NAALADL2: variants seen among roughly 807,000 people sequenced by gnomAD.
NAALADL2 encodes the protein N-acetylated alpha-linked acidic dipeptidase like 2.
NAALADL2 carries 76 observed loss-of-function variants against 87.2 expected under a neutral mutation model. That is an observed-to-expected ratio of 0.87 (90% CI 0.72 to 1.05). The LOEUF is 1.05. Ranked by LOEUF, NAALADL2 falls within the 50% of genes least tolerant of loss-of-function variation. The pLI is 0.00. For synonymous variants in NAALADL2, 354 were observed against 331.0 expected (o/e 1.07, Z -0.75); for missense variants, 1,089 against 945.8 (o/e 1.15, Z -1.99).
chr3:174,460,659 G>GAACAGC (rs1716159703), intron 1 of NAALADL2, among the ~76,000 whole-genome samples: 1 of 151,354 alleles, frequency 6.6e-6, no homozygotes, highest in South Asian at 2.1e-4. Flanking sequence ...AACATATAGA[G>GAACAGC]AACAGCTTAA....
intron 1 of NAALADL2, among the ~76,000 whole-genome samples, chr3:174,526,285 A>T (rs1720740008): frequency 6.6e-6 from 1 of 152,288 alleles, no homozygotes; most frequent in Non-Finnish European, 1.5e-5. Context: ...GTAAACAGTC[A>T]TGGCTTTGGC....
chr3:175,665,636 A>T (rs940052800), intron 11 of NAALADL2, among the ~76,000 whole-genome samples: 1 of 151,954 alleles, frequency 6.6e-6, no homozygotes. Context: ...TCTTAACATT[A>T]AAAAAAATGT....
chr3:174,565,643 A>G (rs1714166729), intron 2 of NAALADL2, among the ~76,000 whole-genome samples: 1 of 152,052 alleles, frequency 6.6e-6, no homozygotes, highest in Admixed American at 6.6e-5. Context: ...ATTCATGTGC[A>G]GGTTTTTGTG....
chr3:175,105,580 A>ACG lies in NAALADL2; in HGVS notation c.545+8290_545+8291insGC, dbSNP rs576134258. On this transcript the variant is annotated intron_variant, in intron 2 of 13. Transcript: ENST00000454872. ...TATATATTTATATATTCATACACACACACATACACAAATCCTAATCCATGC... is the reference window on the plus strand; with the variant it reads ...TATATATTTATATATTCATACACACACGCACATACACAAATCCTAATCCATGC... Among the ~76,000 whole-genome samples, 885 of 149,494 alleles carry ACG rather than the reference A, an allele frequency of 5.9e-3. 16 individuals are homozygous for ACG. Among genetic ancestry groups the ACG allele is most frequent in the African/African-American group, 0.021 (856 of 40,832 alleles).
At chr3:175,779,755 A>G (rs909428760) in intron 13 of NAALADL2, among the ~76,000 whole-genome samples, 1 of 152,204 alleles carries the variant, frequency 6.6e-6, no homozygotes, top group Non-Finnish European at 1.5e-5. Context: ...GGAAATTTTC[A>G]ACAACCTTTA....
intron 10 of NAALADL2, among the ~76,000 whole-genome samples, chr3:175,588,245 G>A (rs1720831950): frequency 6.6e-6 from 1 of 152,102 alleles, no homozygotes; most frequent in Non-Finnish European, 1.5e-5. Context: ...GTGGACACCT[G>A]AGCCAATTAT....
intron 10 of NAALADL2, among the ~76,000 whole-genome samples, chr3:175,620,053 G>A (rs1725986744): frequency 6.8e-6 from 1 of 146,362 alleles, no homozygotes; most frequent in Non-Finnish European, 1.5e-5. Flanking sequence ...TTACAGGGGC[G>A]AGAATTTTTA....
intron 3 of NAALADL2, among the ~76,000 whole-genome samples, chr3:174,817,921 G>T (rs1051403775): frequency 3.9e-5 from 6 of 152,144 alleles, no homozygotes; most frequent in Non-Finnish European, 8.8e-5. Flanking sequence ...CATGCTCACT[G>T]TCAGTAATAA....
chr3:175,179,967 AT>A (rs1308945835), intron 2 of NAALADL2, among the ~76,000 whole-genome samples: 1 of 151,970 alleles, frequency 6.6e-6, no homozygotes, highest in African/African-American at 2.4e-5. Context: ...ACTAACTCAG[AT>A]TTTAAACACA....
chr3:174,479,628 G>A (rs1717433728), intron 1 of NAALADL2, among the ~76,000 whole-genome samples: 1 of 152,098 alleles, frequency 6.6e-6, no homozygotes, highest in Non-Finnish European at 1.5e-5. Context: ...ACTAGTATAT[G>A]CGATTGTATT....
chr3:174,721,600 T>C (rs1402566655), intron 2 of NAALADL2, among the ~76,000 whole-genome samples: 1 of 152,192 alleles, frequency 6.6e-6, no homozygotes, highest in Non-Finnish European at 1.5e-5. Flanking sequence ...TTTGATGGTA[T>C]GGAGGAGAGC....
chr3:174,554,829 T>C (rs1712556445), intron 2 of NAALADL2, among the ~76,000 whole-genome samples: 1 of 152,200 alleles, frequency 6.6e-6, no homozygotes, highest in Non-Finnish European at 1.5e-5. Flanking sequence ...TATTTTAGAC[T>C]GGGCAATTTA....
intron 8 of NAALADL2, among the ~76,000 whole-genome samples, chr3:175,468,963 C>T (rs1560603041): frequency 1.3e-5 from 2 of 151,698 alleles, no homozygotes; most frequent in Non-Finnish European, 2.9e-5. Flanking sequence ...GTCAATGATG[C>T]TAAAAATACA....
At chr3:175,056,487 C>T (rs1042245341) in intron 1 of NAALADL2, among the ~76,000 whole-genome samples, 2 of 152,106 alleles carry the variant, frequency 1.3e-5, no homozygotes, top group East Asian at 1.9e-4. Flanking sequence ...TGGATTCGAG[C>T]CCCCACGTAT....
intron 4 of NAALADL2, among the ~76,000 whole-genome samples, chr3:175,305,266 G>GTA (rs1757563702): frequency 7.0e-6 from 1 of 142,344 alleles, no homozygotes; most frequent in Middle Eastern, 3.6e-3. Context: ...GTGTGTGTGT[G>GTA]TGTGTATGTG....
intron 1 of NAALADL2, among the ~76,000 whole-genome samples, chr3:174,925,992 C>T (rs1560372704): frequency 6.6e-6 from 1 of 151,992 alleles, no homozygotes; most frequent in Non-Finnish European, 1.5e-5. Flanking sequence ...CTAGAATAAC[C>T]AGTGTAGAGA....
At chr3:175,664,513 T>C (rs1383219134) in intron 11 of NAALADL2, among the ~76,000 whole-genome samples, 1 of 152,112 alleles carries the variant, frequency 6.6e-6, no homozygotes, top group African/African-American at 2.4e-5. Flanking sequence ...TCAGTATCTA[T>C]AGTGCCTAGA....
intron 1 of NAALADL2, among the ~76,000 whole-genome samples, chr3:174,889,926 G>C (rs1277948353): frequency 6.6e-6 from 1 of 152,084 alleles, no homozygotes; most frequent in Non-Finnish European, 1.5e-5. Flanking sequence ...GTTTCCCTGA[G>C]GACTGGCAGC....
At chr3:175,121,563 A>T (rs2108568317) in intron 2 of NAALADL2, among the ~76,000 whole-genome samples, 1 of 152,018 alleles carries the variant, frequency 6.6e-6, no homozygotes, top group East Asian at 1.9e-4. Context: ...CTAACTGGAA[A>T]TAATTGTTGC....
Sources: allele counts gnomAD v4.1 joint callset (sites outside exome capture counted in the v4.1 genomes callset), GRCh38; gene constraint gnomAD v4.1.1; transcripts MANE v1.5; gene names NCBI Gene and HGNC (gene_info 2026-07-23, HGNC 2026-07-21).